The following B3GALT1 variants were observed in gnomAD, a reference collection of about 807,000 sequenced individuals.
The protein encoded by B3GALT1 is beta-1,3-galactosyltransferase 1, also known as UDP-Gal:betaGlcNAc beta 1,3-galactosyltransferase, polypeptide 1.
B3GALT1 carries 10 observed loss-of-function variants against 23.2 expected under a neutral mutation model. The observed-to-expected ratio is 0.43, with a 90% CI of 0.27 to 0.73. The LOEUF is 0.73. B3GALT1 is among the 30% of genes least tolerant of loss of function. The pLI is 0.21. For synonymous variants in B3GALT1, 156 were observed against 141.5 expected (o/e 1.10, Z -0.73); for missense variants, 299 against 405.4 (o/e 0.74, Z 2.25).
chr2:167,485,090 G>A (rs775956460), intron 1 of B3GALT1, among the ~76,000 whole-genome samples: 2 of 152,084 alleles, frequency 1.3e-5, no homozygotes, highest in Non-Finnish European at 2.9e-5. Context: ...TCCCATCATG[G>A]CCTGAACAAG....
At chr2:167,824,514 G>T (rs1362209083) in intron 4 of B3GALT1, among the ~76,000 whole-genome samples, 1 of 152,210 alleles carries the variant, frequency 6.6e-6, no homozygotes, top group East Asian at 1.9e-4. Context: ...GATGGATTAG[G>T]TACAGAGTTA....
intron 3 of B3GALT1, among the ~76,000 whole-genome samples, chr2:167,804,344 T>C (rs1016637925): frequency 6.6e-6 from 1 of 151,906 alleles, no homozygotes; most frequent in African/African-American, 2.4e-5. Context: ...TTAATTATTA[T>C]ACTTTAAGTT....
intron 3 of B3GALT1, among the ~76,000 whole-genome samples, chr2:167,766,793 G>A (rs113683511): frequency 4.5e-4 from 69 of 152,216 alleles, no homozygotes; most frequent in African/African-American, 1.5e-3. Flanking sequence ...TAAAGCTTTG[G>A]CTAACTTTCC....
chr2:167,520,592 CA>C (rs1201575018), intron 2 of B3GALT1, among the ~76,000 whole-genome samples: 2 of 152,042 alleles, frequency 1.3e-5, no homozygotes, highest in East Asian at 3.9e-4. Context: ...TTGAGCATCG[CA>C]AAAAAACCGT....
chr2:167,299,597 G>A (rs1406290359), intron 1 of B3GALT1, among the ~76,000 whole-genome samples: 1 of 152,092 alleles, frequency 6.6e-6, no homozygotes, highest in Non-Finnish European at 1.5e-5. Context: ...GAAAGGTGCT[G>A]TATTTTAAAA....
At position 167,713,286 on chromosome 2, in the gene B3GALT1, G is replaced by T. The variant is rs184094116; in HGVS notation, c.-352+66320G>T. 3.3e-4 allele frequency among the ~76,000 whole-genome samples: 50 copies of T among 152,226 alleles called. 1 individual carries two copies. Among genetic ancestry groups the T allele is most frequent in the Admixed American group, 3.1e-3 (47 of 15,290 alleles). ...AAAATATAAATAAGGCATTACGAAG[G>T]TTTTCTTGGAAGGAAGATCTGTTTG... On this transcript the variant is annotated intron_variant, in intron 3 of 4. Coordinates refer to ENST00000392690, the MANE Select transcript of B3GALT1 (RefSeq NM_020981.4).
chr2:167,863,986 ATGTATG>A (rs1486294444), intron 4 of B3GALT1, among the ~76,000 whole-genome samples: 4 of 132,208 alleles, frequency 3.0e-5, no homozygotes, highest in South Asian at 2.7e-4. Flanking sequence ...GCATGCATGT[ATGTATG>A]TGTGTGTGTG....
intron 4 of B3GALT1, among the ~76,000 whole-genome samples, chr2:167,849,732 C>CA (rs954813667): frequency 2.4e-4 from 37 of 151,306 alleles, no homozygotes; most frequent in East Asian, 7.8e-4. Flanking sequence ...CTAAAAAATA[C>CA]AAAAAAAATT....
intron 3 of B3GALT1, among the ~76,000 whole-genome samples, chr2:167,705,298 C>G (rs1039946864): frequency 6.6e-6 from 1 of 152,032 alleles, no homozygotes; most frequent in African/African-American, 2.4e-5. Context: ...TATAGCAGAC[C>G]CAAAAGAAAA....
intron 1 of B3GALT1, among the ~76,000 whole-genome samples, chr2:167,454,342 T>C (rs79968097): frequency 0.017 from 2,655 of 152,286 alleles, 85 homozygotes; most frequent in African/African-American, 0.061. Context: ...AGCCATAGTA[T>C]ATAGCAGGGA....
At chr2:167,641,193 T>A (rs1685647207) in intron 2 of B3GALT1, among the ~76,000 whole-genome samples, 1 of 152,196 alleles carries the variant, frequency 6.6e-6, no homozygotes, top group East Asian at 1.9e-4. Flanking sequence ...TTATCAGCAC[T>A]ATTTTAATAA....
At chr2:167,576,532 G>GT (rs1310083012) in intron 2 of B3GALT1, among the ~76,000 whole-genome samples, 1,765 of 110,828 alleles carry the variant, frequency 0.016, 14 homozygotes, top group African/African-American at 0.043. Flanking sequence ...TTTTTTTTTT[G>GT]TTTTTTTTTT....
chr2:167,301,858 G>A (rs912016848), intron 1 of B3GALT1, among the ~76,000 whole-genome samples: 3 of 152,142 alleles, frequency 2.0e-5, no homozygotes, highest in Non-Finnish European at 4.4e-5. Context: ...CAAGACCATA[G>A]TCTCCTGCCC....
At chr2:167,468,295 C>T (rs1001468886) in intron 1 of B3GALT1, among the ~76,000 whole-genome samples, 10 of 151,844 alleles carry the variant, frequency 6.6e-5, no homozygotes, top group South Asian at 2.1e-4. Flanking sequence ...GACAGGGACA[C>T]TATAAGAAAA....
In B3GALT1 at chr2:167,480,876, T is replaced by G. The variant is rs73022102; in HGVS notation, c.-510-9301T>G. 7.4e-3 allele frequency among the ~76,000 whole-genome samples: 1,127 copies of G among 152,282 alleles called. 14 individuals carry two copies. The highest frequency in any genetic ancestry group is 0.026 in the African/African-American group (1,074 of 41,564). The stretch of plus-strand genomic sequence containing the variant: ...AGGGAAGACGGCAACCCATACTGTC[T>G]ACACTCCTTTTGTTTCACTTTCCCT... On this transcript the variant is annotated intron_variant, in intron 1 of 4. Transcript: ENST00000392690.
intron 2 of B3GALT1, among the ~76,000 whole-genome samples, chr2:167,491,238 A>G (rs1699704337): frequency 6.6e-6 from 1 of 152,156 alleles, no homozygotes; most frequent in African/African-American, 2.4e-5. Context: ...GCCAGACTGA[A>G]TATTGAAGAA....
At chr2:167,709,038 A>G (rs1001489793) in intron 3 of B3GALT1, among the ~76,000 whole-genome samples, 9 of 152,122 alleles carry the variant, frequency 5.9e-5, no homozygotes, top group African/African-American at 2.2e-4. Flanking sequence ...CCTTAGGATA[A>G]ATGTTTTGTT....
Position 167,502,205 on chromosome 2 carries a change from A to T in B3GALT1, c.-410+11928A>T, listed in dbSNP as rs568938917. 1.2e-4 allele frequency among the ~76,000 whole-genome samples: 19 copies of T among 152,318 alleles called. No individual in the cohort carries two copies. The South Asian group carries it at 3.7e-3, about 30-fold the overall frequency. ...CATAGTTATAATTATGAGAAATGCG[A>T]TAAAGAAAAGAACAAGGTAAGATGA... On this transcript the variant is annotated intron_variant, in intron 2 of 4. Coordinates refer to ENST00000392690, the MANE Select transcript of B3GALT1 (RefSeq NM_020981.4).
chr2:167,821,712 G>C (rs1315990660), intron 4 of B3GALT1, among the ~76,000 whole-genome samples: 2 of 151,808 alleles, frequency 1.3e-5, no homozygotes, highest in Non-Finnish European at 2.9e-5. Flanking sequence ...TGAGATTACA[G>C]GCGTAAGCCA....
Sources: gnomAD v4.1 joint callset for allele counts (sites outside exome capture counted in the v4.1 genomes callset) on GRCh38, gnomAD v4.1.1 for gene constraint, MANE v1.5 for transcripts, NCBI Gene and HGNC (gene_info 2026-07-23, HGNC 2026-07-21) for gene names.